The following INPP4B variants were observed in gnomAD, a reference collection of about 807,000 sequenced individuals.
INPP4B encodes inositol polyphosphate 4-phosphatase type II.
Under a neutral mutation model 122.5 loss-of-function variants are expected in INPP4B, and 55 were observed. The ratio of observed to expected loss-of-function variants is 0.45; its 90% CI spans 0.36 to 0.56. The LOEUF (loss-of-function observed/expected upper bound fraction) is 0.56, where lower values mean the gene tolerates loss of function less well. Among genes scored for constraint, INPP4B ranks in the 20% least tolerant of loss-of-function variants. The probability of loss-of-function intolerance (pLI) is 0.00; values close to 1 mark genes in which losing one functional copy is unlikely to be tolerated. For missense variants in INPP4B, 1,000 were observed against 1,097.7 expected (o/e 0.91, Z 1.26); for synonymous variants, 403 against 388.7 (o/e 1.04, Z -0.43).
intron 23 of INPP4B, among the ~76,000 whole-genome samples, chr4:142,087,015 A>G (rs137898829): frequency 2.6e-5 from 4 of 152,358 alleles, no homozygotes; most frequent in African/African-American, 7.2e-5. Flanking sequence ...ATCAGTTGCT[A>G]TACAGCAAGT....
At chr4:142,639,716 C>A (rs1010823973) in intron 2 of INPP4B, among the ~76,000 whole-genome samples, 1 of 152,058 alleles carries the variant, frequency 6.6e-6, no homozygotes, top group Non-Finnish European at 1.5e-5. Context: ...AATGAGTTAG[C>A]TACTCCTAGC....
intron 25 of INPP4B, among the ~76,000 whole-genome samples, chr4:142,072,540 C>CTTTT (rs768906284): frequency 2.2e-5 from 3 of 134,546 alleles, no homozygotes; most frequent in African/African-American, 8.1e-5. Context: ...GTGGAAATGA[C>CTTTT]TTTTTTTTTT....
chr4:142,674,103 AG>A (rs1031564752), intron 2 of INPP4B, among the ~76,000 whole-genome samples: 56 of 152,236 alleles, frequency 3.7e-4, no homozygotes, highest in African/African-American at 1.2e-3. Flanking sequence ...ACAAGTTCAA[AG>A]GGTTGGTCAT....
intron 11 of INPP4B, among the ~76,000 whole-genome samples, chr4:142,240,820 T>C (rs1447718390): frequency 6.6e-6 from 1 of 152,138 alleles, no homozygotes; most frequent in Admixed American, 6.6e-5. Context: ...GTCTGAACTT[T>C]AAATACCATG....
At chr4:142,687,559 CAAAAAAA>C (rs3080815) in intron 2 of INPP4B, among the ~76,000 whole-genome samples, 1 of 100,604 alleles carries the variant, frequency 9.9e-6, no homozygotes, top group African/African-American at 3.9e-5. Context: ...ATCCTTCCTC[CAAAAAAA>C]AAAAAAAAAA....
rs79277719 is a variant in INPP4B at position 142,356,238 on chromosome 4, G to T, written c.373-41476C>A. 5.6e-3 allele frequency among the ~76,000 whole-genome samples: 820 copies of T among 146,764 alleles called. 8 individuals carry two copies. The highest frequency in any genetic ancestry group is 0.019 in the African/African-American group (769 of 39,452). Reference sequence around the variant, plus strand: ...AAGATGGGGTAAAACTTTTGCCAGGGGAGAAAGGCATTCTAGATAAAAGGG... The same window carrying T: ...AAGATGGGGTAAAACTTTTGCCAGGTGAGAAAGGCATTCTAGATAAAAGGG... On this transcript the variant is annotated intron_variant, in intron 7 of 25. Coordinates refer to ENST00000262992, the MANE Select transcript of INPP4B (RefSeq NM_001101669.3).
At chr4:142,794,834 G>T (rs1777019223) in intron 1 of INPP4B, among the ~76,000 whole-genome samples, 1 of 151,858 alleles carries the variant, frequency 6.6e-6, no homozygotes, top group African/African-American at 2.4e-5. Flanking sequence ...AATTTGGAAA[G>T]CAAATTGGTA....
At chr4:142,650,217 C>T (rs1259149158) in intron 2 of INPP4B, among the ~76,000 whole-genome samples, 1 of 152,162 alleles carries the variant, frequency 6.6e-6, no homozygotes, top group Non-Finnish European at 1.5e-5. Flanking sequence ...CTGAAGGAAG[C>T]ACTAAACATG....
intron 11 of INPP4B, among the ~76,000 whole-genome samples, chr4:142,255,476 C>T (rs968115352): frequency 6.6e-6 from 1 of 152,092 alleles, no homozygotes; most frequent in Non-Finnish European, 1.5e-5. Context: ...CATGCAGACA[C>T]ACACATAGGC....
At chr4:142,268,348 G>GAAAAAAAAAAAAAA (rs1383781390) in intron 10 of INPP4B, among the ~76,000 whole-genome samples, 3 of 26,770 alleles carry the variant, frequency 1.1e-4, no homozygotes, top group African/African-American at 1.7e-4. Flanking sequence ...AAAAAAAAAT[G>GAAAAAAAAAAAAAA]AGGGGTAAGT....
chr4:142,699,550 G>A (rs1032644495), intron 2 of INPP4B, among the ~76,000 whole-genome samples: 8 of 152,066 alleles, frequency 5.3e-5, no homozygotes, highest in African/African-American at 9.7e-5. Flanking sequence ...ACTGGCCAGC[G>A]TTGCTTTATA....
Position 142,162,374 on chromosome 4 carries a change from T to C in INPP4B, c.1360-1813A>G, listed in dbSNP as rs137885028. Among the ~76,000 whole-genome samples, 456 of 151,938 alleles carry C rather than the reference T, an allele frequency of 3.0e-3. 2 individuals are homozygous for C. Among genetic ancestry groups the C allele is most frequent in the African/African-American group, 9.8e-3 (407 of 41,504 alleles). On this transcript the variant is annotated intron_variant, in intron 16 of 25. Coordinates refer to ENST00000262992, the MANE Select transcript of INPP4B (RefSeq NM_001101669.3). The stretch of plus-strand genomic sequence containing the variant: ...GTACTCAAACAAGTCAGTGTAGTCA[T>C]AGCAAAATGAGGAAACATGTTATTT...
intron 12 of INPP4B, among the ~76,000 whole-genome samples, chr4:142,233,633 C>T (rs528011897): frequency 6.6e-6 from 1 of 152,198 alleles, no homozygotes; most frequent in African/African-American, 2.4e-5. Context: ...AAAACACTTT[C>T]TGGGATCTGA....
At chr4:142,127,800 A>G (rs1453615268) in intron 18 of INPP4B, among the ~76,000 whole-genome samples, 8 of 152,164 alleles carry the variant, frequency 5.3e-5, no homozygotes, top group Non-Finnish European at 5.9e-5. Context: ...AAAAGAAACA[A>G]TTTAAGTTGA....
intron 7 of INPP4B, among the ~76,000 whole-genome samples, chr4:142,399,338 A>G (rs1800854228): frequency 6.6e-6 from 1 of 151,918 alleles, no homozygotes; most frequent in Non-Finnish European, 1.5e-5. Flanking sequence ...CTGGGATTAC[A>G]GGCGTGTGCC....
At chr4:142,275,830 C>G (rs1239584437) in intron 9 of INPP4B, among the ~76,000 whole-genome samples, 3 of 151,666 alleles carry the variant, frequency 2.0e-5, no homozygotes, top group African/African-American at 2.4e-5. Flanking sequence ...GACATTCCAT[C>G]CATCATCATG....
chr4:142,590,654 A>AT (rs1440557781), intron 2 of INPP4B, among the ~76,000 whole-genome samples: 1 of 152,060 alleles, frequency 6.6e-6, no homozygotes, highest in Non-Finnish European at 1.5e-5. Flanking sequence ...TTAGATTAAT[A>AT]GGTATAAACT....
At position 142,154,113 on chromosome 4, in the gene INPP4B, C is replaced by T. The variant is rs375708899; in HGVS notation, c.1563+6245G>A. ...CTGGCCCCATTCTCCCTGCCTTTGA[C>T]TGCCCTTTCTGATGGTGAGAGTGAA... On this transcript the variant is annotated intron_variant, in intron 17 of 25. Coordinates refer to ENST00000262992, the MANE Select transcript of INPP4B (RefSeq NM_001101669.3). Among the ~76,000 whole-genome samples, 6 of 152,216 alleles carry T rather than the reference C, an allele frequency of 3.9e-5. No individual in the cohort carries two copies. The East Asian group carries it at 7.8e-4, about 20-fold the overall frequency.
intron 2 of INPP4B, among the ~76,000 whole-genome samples, chr4:142,715,775 C>T (rs543977743): frequency 6.6e-6 from 1 of 152,268 alleles, no homozygotes; most frequent in African/African-American, 2.4e-5. Context: ...GTTTTGTTAA[C>T]CATCTGCATT....
Sources: gnomAD v4.1 joint callset for allele counts (sites outside exome capture counted in the v4.1 genomes callset) on GRCh38, gnomAD v4.1.1 for gene constraint, MANE v1.5 for transcripts, NCBI Gene and HGNC (gene_info 2026-07-23, HGNC 2026-07-21) for gene names.